The following DNAH3 variants were observed in gnomAD, a reference collection of about 807,000 sequenced individuals.
DNAH3 encodes axonemal beta dynein heavy chain 3.
In DNAH3, 332 loss-of-function variants were observed where a neutral mutation model predicts 432.5. That is an observed-to-expected ratio of 0.77 (90% CI 0.70 to 0.84). The LOEUF (loss-of-function observed/expected upper bound fraction) is 0.84, where lower values mean the gene tolerates loss of function less well. Among genes scored for constraint, DNAH3 ranks in the 40% least tolerant of loss-of-function variants. The pLI is 0.00. For synonymous variants in DNAH3, 1,956 were observed against 1,900.2 expected (o/e 1.03, Z -0.76); for missense variants, 4,861 against 5,114.0 (o/e 0.95, Z 1.51).
chr16:20,955,024 A>C (rs755205945), exon 55 of DNAH3: 1 of 1,612,768 alleles, frequency 6.2e-7, no homozygotes, highest in South Asian at 1.1e-5. Context: ...TGCTGACTGG[A>C]AACTTCTCTG....
At chr16:21,096,968 G>A (rs546798448) in intron 18 of DNAH3, among the ~76,000 whole-genome samples, 1 of 152,232 alleles carries the variant, frequency 6.6e-6, no homozygotes, top group East Asian at 1.9e-4. Context: ...AAGTCCTGTT[G>A]ATTCCAACTC....
At chr16:21,130,091 G>GAAAAAAAAAAAAAAAAAAAAAAAA (rs58706051) in intron 7 of DNAH3, 4 of 79,150 alleles carry the variant, frequency 5.1e-5, no homozygotes, top group Admixed American at 1.4e-4. Context: ...CTAAATAAAT[G>GAAAAAAAAAAAAAAAAAAAAAAAA]AAAAAAAAAA....
At chr16:21,085,688 AAG>A (rs764874828) in intron 19 of DNAH3, among the ~76,000 whole-genome samples, 10 of 152,058 alleles carry the variant, frequency 6.6e-5, no homozygotes, top group Non-Finnish European at 1.5e-5. Context: ...CTCATGTATT[AAG>A]AGAGTCTTCC....
intron 40 of DNAH3, 114 bp from the exon 41 acceptor site, chr16:21,019,983 T>A: frequency 2.5e-6 from 3 of 1,189,540 alleles, no homozygotes; most frequent in Non-Finnish European, 3.6e-6. Flanking sequence ...CGACTGATAT[T>A]GGCAGAGTGC....
intron 37 of DNAH3, 113 bp downstream of exon 37, chr16:21,030,932 C>T (rs2088836911): frequency 9.2e-7 from 1 of 1,081,652 alleles, no homozygotes; most frequent in Non-Finnish European, 1.4e-6. Context: ...TTAATGTATA[C>T]AGAATACATA....
In DNAH3 at chr16:20,985,037, T is replaced by C; in HGVS notation, c.7665+40A>G. 1.3e-6 allele frequency: 2 copies of C among 1,577,236 alleles called. No homozygotes were observed. The highest frequency in any genetic ancestry group is 1.7e-6 in the Non-Finnish European group (2 of 1,162,374). On this transcript the variant is annotated intron_variant, in intron 48 of 61. Coordinates refer to ENST00000261383, the Ensembl canonical transcript of DNAH3. ...AGAAGAACAAGGGCAAATGGAGTTT[T>C]CTTCTTCTTACCGAGGACAATGTGA...
rs147134659 is a variant in DNAH3, at chr16:21,041,507, G to A, written c.4638+520C>T. On this transcript the variant is annotated intron_variant, in intron 32 of 61. Coordinates refer to ENST00000261383, the Ensembl canonical transcript of DNAH3. ...TCTCAGAGAGAAGTGGTCCATCTGA[G>A]TAAGTTTCCAGGGCACCAGTCAGAA... Among the ~76,000 whole-genome samples, 45 of 152,298 alleles carry A rather than the reference G, an allele frequency of 3.0e-4. 1 individual carries two copies. The East Asian group carries it at 4.4e-3, about 15-fold the overall frequency.
intron 19 of DNAH3, among the ~76,000 whole-genome samples, chr16:21,085,470 G>A (rs2091333718): frequency 6.9e-6 from 1 of 144,028 alleles, no homozygotes; most frequent in South Asian, 2.3e-4. Context: ...CTTGAATGTA[G>A]TGAGCCGAGA....
At chr16:21,082,827 C>CA (rs67337540) in intron 19 of DNAH3, among the ~76,000 whole-genome samples, 2 of 134,004 alleles carry the variant, frequency 1.5e-5, no homozygotes, top group Non-Finnish European at 1.6e-5. Context: ...GACTCCATCT[C>CA]AAAAAAAAAA....
chr16:21,030,324 C>T (rs955347076), intron 37 of DNAH3, among the ~76,000 whole-genome samples: 3 of 152,134 alleles, frequency 2.0e-5, no homozygotes, highest in African/African-American at 7.2e-5. Context: ...ACATAGGAAG[C>T]GCCACTACCA....
At chr16:21,070,120 A>G (rs1331689748) in intron 22 of DNAH3, among the ~76,000 whole-genome samples, 1 of 152,180 alleles carries the variant, frequency 6.6e-6, no homozygotes, top group African/African-American at 2.4e-5. Context: ...ATCTTCGGGT[A>G]GCTTACATTC....
chr16:21,015,784 G>A (rs942115698), intron 41 of DNAH3, among the ~76,000 whole-genome samples: 2 of 152,044 alleles, frequency 1.3e-5, no homozygotes, highest in African/African-American at 2.4e-5. Flanking sequence ...ATTTCAAATT[G>A]CTTGAGATTT....
intron 61 of DNAH3, 65 bp downstream of exon 61, chr16:20,935,283 G>A (rs2083545806): frequency 1.3e-6 from 2 of 1,589,804 alleles, no homozygotes; most frequent in Admixed American, 3.6e-5. Context: ...TGACTCATAA[G>A]GAAATTGGCA....
At chr16:21,108,711 C>A (rs1786579345) in intron 14 of DNAH3, among the ~76,000 whole-genome samples, 1 of 152,152 alleles carries the variant, frequency 6.6e-6, no homozygotes, top group South Asian at 2.1e-4. Context: ...CCACTGCACT[C>A]CAGTCTGGGC....
chr16:21,136,505 A>G (rs1187408345), exon 6 of DNAH3: 1 of 1,613,766 alleles, frequency 6.2e-7, no homozygotes, highest in Non-Finnish European at 8.5e-7. Flanking sequence ...TCAGATAGTA[A>G]TAGTATCTCT....
chr16:20,989,093 G>A (rs3115443), intron 44 of DNAH3, among the ~76,000 whole-genome samples: 26,307 of 152,138 alleles, frequency 0.17, 2,582 homozygotes, highest in African/African-American at 0.26. Context: ...CCACAGTGCG[G>A]AAAGAGACCC....
At chr16:21,041,582 C>T (rs1254045599) in intron 32 of DNAH3, among the ~76,000 whole-genome samples, 1 of 152,140 alleles carries the variant, frequency 6.6e-6, no homozygotes, top group Non-Finnish European at 1.5e-5. Flanking sequence ...TGGATATGGG[C>T]GTAGCTGGGT....
At position 20,963,324 on chromosome 16, in the gene DNAH3, A is replaced by C. The variant is rs577059247; in HGVS notation, c.10560T>G (p.Pro3520=). The change falls in exon 53 of 62, where the codon CCT becomes CCG. Residue 3520 remains proline, a synonymous_variant. Coordinates refer to ENST00000261383, the Ensembl canonical transcript of DNAH3. The stretch of plus-strand genomic sequence containing the variant: ...CACTTGGAGACAACACAAAAATCAA[A>C]GGCGCACAGCAGCTGGAATCATTGT... 8.1e-6 allele frequency: 13 copies of C among 1,614,088 alleles called. No homozygotes were observed. In the African/African-American group the frequency reaches 1.5e-4, roughly 18 times the overall value.
chr16:21,105,193 T>G (rs1337671297), intron 15 of DNAH3, among the ~76,000 whole-genome samples: 2 of 152,122 alleles, frequency 1.3e-5, no homozygotes, highest in East Asian at 3.9e-4. Flanking sequence ...GGTGGATGGT[T>G]AGGGAACCAC....
Sources: allele counts gnomAD v4.1 joint callset (sites outside exome capture counted in the v4.1 genomes callset), GRCh38; gene constraint gnomAD v4.1.1; transcripts MANE v1.5; gene names NCBI Gene and HGNC (gene_info 2026-07-23, HGNC 2026-07-21).